Variants in CFAP69 observed in about 807,000 individuals in gnomAD.
The protein encoded by CFAP69 is cilia- and flagella-associated protein 69.
CFAP69 carries 92 observed loss-of-function variants against 123.0 expected under a neutral mutation model. The observed-to-expected ratio is 0.75, with a 90% CI of 0.63 to 0.89. The LOEUF (loss-of-function observed/expected upper bound fraction) is 0.89, where lower values mean the gene tolerates loss of function less well. Among genes scored for constraint, CFAP69 ranks in the 40% least tolerant of loss-of-function variants. CFAP69 has a pLI of 0.00. For synonymous variants in CFAP69, 380 were observed against 364.3 expected (o/e 1.04, Z -0.49); for missense variants, 1,067 against 1,096.9 (o/e 0.97, Z 0.39).
chr7:90,275,590 C>CTTTT lies in CFAP69; in HGVS notation c.985-1457_985-1454dup, dbSNP rs57578763. On this transcript the variant is annotated intron_variant, in intron 9 of 22. Transcript: ENST00000389297. ...TACGGCCTGCTCTCAGGCCAAAAGC[C>CTTTT]TTTTTTTTTTTTTTTTTTTTTTTTT... 4.7e-3 allele frequency among the ~76,000 whole-genome samples: 291 copies of CTTTT among 62,076 alleles called. 49 individuals are homozygous for CTTTT. The highest frequency in any genetic ancestry group is 0.017 in the Middle Eastern group (1 of 58). The allele number at this position is 62,076 out of a possible 152,430, so 40.7% of individuals were successfully genotyped here. A position where few individuals can be genotyped will look rare whatever the true frequency, so the allele number is the denominator to read the frequency against.
chr7:90,265,441 T>C (rs1799022403), intron 5 of CFAP69, 64 bp downstream of exon 5: 2 of 1,102,262 alleles, frequency 1.8e-6, no homozygotes, highest in East Asian at 2.5e-5. Context: ...GACAAGGGAA[T>C]ATCTATTTTC....
Position 90,299,862 on chromosome 7 carries a change from T to C in CFAP69, c.1858-5T>C, listed in dbSNP as rs970246681. ...CTTTTTTCCTTTTCTGTTTCCTTGC[T>C]AAAGTTGAACCAAAAAAAATTCTGT... On this transcript the variant is annotated splice_polypyrimidine_tract_variant and splice_region_variant and intron_variant, in intron 16 of 22. Transcript: ENST00000389297. 1 of 1,591,400 alleles carries C rather than the reference T, an allele frequency of 6.3e-7. No homozygotes were observed. Among genetic ancestry groups the C allele is most frequent in the African/African-American group, 1.4e-5 (1 of 73,704 alleles).
At chr7:90,317,365 A>G in the CFAP69 span, 1 of 152,222 alleles carries the variant, frequency 6.6e-6, no homozygotes, top group South Asian at 2.1e-4. Flanking sequence ...TGGACATAAA[A>G]TCACTCATGT....
chr7:90,310,293 T>C lies in CFAP69; in HGVS notation c.*55T>C, dbSNP rs528193806. On this transcript the variant is annotated 3_prime_UTR_variant, in exon 23 of 23. Coordinates refer to ENST00000389297, the MANE Select transcript of CFAP69 (RefSeq NM_001039706.3). ...CAGCTTATAATTTTTTAGCTGAATA[T>C]ATCTTTATACATATGTAAAGCCAAT... is the stretch of plus-strand genomic sequence containing the variant. 2 of 1,295,260 alleles carry C rather than the reference T, an allele frequency of 1.5e-6. No homozygotes were observed. Among genetic ancestry groups the C allele is most frequent in the Admixed American group, 2.2e-5 (1 of 46,312 alleles). The allele number at this position is 1,295,260 out of a possible 1,614,324, so 80.2% of individuals were successfully genotyped here. A position where few individuals can be genotyped will look rare whatever the true frequency, so the allele number is the denominator to read the frequency against.
At chr7:90,301,663 C>G (rs1340942983) in intron 17 of CFAP69, 1 of 152,172 alleles carries the variant, frequency 6.6e-6, no homozygotes, top group Non-Finnish European at 1.5e-5. Context: ...CATGATCTCA[C>G]TATTTTTATG....
At position 90,304,817 on chromosome 7, in the gene CFAP69, T is replaced by G; in HGVS notation, c.2262T>G (p.Phe754Leu). ...GTATCATACATAGATATCTTGATTT[T>G]AAAGTAAGTATCTTTTTAATAACCT... ...TLCIIHRYLD[F>L]KIGEIWNEIY... The change falls in exon 19 of 23, where the codon TTT (phenylalanine) becomes TTG (leucine). Residue 754 changes from phenylalanine to leucine, a missense_variant. Coordinates refer to ENST00000389297, the MANE Select transcript of CFAP69 (RefSeq NM_001039706.3). 6.9e-7 allele frequency: 1 copy of G among 1,451,246 alleles called. No homozygotes were observed. Among genetic ancestry groups the G allele is most frequent in the South Asian group, 1.2e-5 (1 of 83,770 alleles). 89.9% of individuals were successfully genotyped at this position (1,451,246 alleles called of 1,614,324 possible).
intron 6 of CFAP69, among the ~76,000 whole-genome samples, chr7:90,270,994 C>T (rs894442579): frequency 3.3e-5 from 5 of 151,958 alleles, no homozygotes; most frequent in African/African-American, 4.8e-5. Context: ...TAATTGTTGT[C>T]CCTTGAAAGT....
At chr7:90,268,118 A>T (rs2116864627) in intron 5 of CFAP69, among the ~76,000 whole-genome samples, 168 bp from the exon 6 acceptor site, 1 of 152,296 alleles carries the variant, frequency 6.6e-6, no homozygotes, top group East Asian at 1.9e-4. Flanking sequence ...ATATGTATGT[A>T]TGTGTGTGAG....
chr7:90,298,501 C>A (rs1409894863), intron 16 of CFAP69, among the ~76,000 whole-genome samples: 1 of 152,300 alleles, frequency 6.6e-6, no homozygotes, highest in South Asian at 2.1e-4. Context: ...CGCTCCCTGT[C>A]CGTGATTCTA....
At chr7:90,258,367 G>A (rs1254114460) in intron 3 of CFAP69, among the ~76,000 whole-genome samples, 1 of 152,086 alleles carries the variant, frequency 6.6e-6, no homozygotes, top group East Asian at 1.9e-4. Context: ...ATGTTGACAG[G>A]GCTGGTTTCT....
rs770456112 is a variant in CFAP69, at chr7:90,271,665, C to T, written c.672C>T (p.Leu224=). 1.2e-6 allele frequency: 2 copies of T among 1,613,240 alleles called. No individual in the cohort carries two copies. The highest frequency in any genetic ancestry group is 1.7e-6 in the Non-Finnish European group (2 of 1,179,550). ...GGGTACTTAAAGTTCTGCAGCATCTCTCAACTTCTGGTTTGTATATTATTA... is the reference window on the plus strand; with the variant it reads ...GGGTACTTAAAGTTCTGCAGCATCTTTCAACTTCTGGTTTGTATATTATTA... ...KLWVLKVLQH[L]STSEVNCTIM... is the part of the protein sequence containing the mutation. Residue 224 remains leucine, a synonymous_variant, in exon 7 of 23, where the codon CTC becomes CTT. Coordinates refer to ENST00000389297, the MANE Select transcript of CFAP69 (RefSeq NM_001039706.3).
Position 90,245,442 on chromosome 7 carries a change from CG to C in CFAP69, c.22del (p.Ala8ArgfsTer26). On this transcript the variant is annotated frameshift_variant, in exon 1 of 23. Transcript: ENST00000389297. LOFTEE classifies it high-confidence loss of function. ...CACCGGCCATGTGGACAGAGGAAGC[CG>C]GGGCGACCGCCGAGGCCCAGGAATC... The part of the protein sequence containing the change: MWTEEA[G>X]ATAEAQESGI... The C allele has an allele frequency of 1.3e-6, 2 of 1,557,406 alleles. No homozygotes were observed. Among genetic ancestry groups the C allele is most frequent in the South Asian group, 1.2e-5 (1 of 85,654 alleles).
chr7:90,307,188 C>A, intron 20 of CFAP69, 90 bp downstream of exon 20: 1 of 865,074 alleles, frequency 1.2e-6, no homozygotes, highest in South Asian at 1.5e-5. Flanking sequence ...TTCTGTTGTT[C>A]AATAGCACAG....
chr7:90,290,945 A>G (rs1295449706), intron 15 of CFAP69, among the ~76,000 whole-genome samples: 1 of 152,096 alleles, frequency 6.6e-6, no homozygotes, highest in Non-Finnish European at 1.5e-5. Context: ...TTCAGTCCAC[A>G]TTCCCTATCA....
intron 6 of CFAP69, chr7:90,268,812 C>T (rs1349891175): frequency 6.0e-6 from 1 of 165,292 alleles, no homozygotes; most frequent in Non-Finnish European, 1.3e-5. Flanking sequence ...GCTAAGGGAC[C>T]TTAATATATA....
At chr7:90,292,117 A>G (rs1791293364) in intron 15 of CFAP69, among the ~76,000 whole-genome samples, 1 of 152,190 alleles carries the variant, frequency 6.6e-6, no homozygotes, top group Non-Finnish European at 1.5e-5. Flanking sequence ...ACTTGGCCTG[A>G]TTATTTGTAT....
chr7:90,289,883 T>A (rs939226401), intron 15 of CFAP69, among the ~76,000 whole-genome samples: 1 of 152,212 alleles, frequency 6.6e-6, no homozygotes, highest in Non-Finnish European at 1.5e-5. Context: ...CTTTACCCAC[T>A]GCTTTGCAGT....
In CFAP69 at chr7:90,255,435, C is replaced by G; in HGVS notation, c.133C>G (p.Pro45Ala). The G allele has an allele frequency of 1.9e-6, 3 of 1,612,322 alleles. No individual in the cohort carries two copies. The highest frequency in any genetic ancestry group is 2.5e-6 in the Non-Finnish European group (3 of 1,179,024). Residue 45 changes from proline (P) to alanine (A), a missense_variant, in exon 2 of 23, where the codon CCT becomes GCT. Transcript: ENST00000389297. ...GTATGTTTTTTAGGATGTTTTCAAG[C>G]CTATGGACCTTAATCGTGTCATCAA... ...EDDEAQDVFK[P>A]MDLNRVIKLL...
intron 16 of CFAP69, among the ~76,000 whole-genome samples, chr7:90,298,123 T>C (rs1792266578): frequency 6.6e-6 from 1 of 152,196 alleles, no homozygotes; most frequent in Non-Finnish European, 1.5e-5. Context: ...TAAGAAACAG[T>C]TTGTGAAGAG....
Sources: gnomAD v4.1 joint callset for allele counts (sites outside exome capture counted in the v4.1 genomes callset) on GRCh38, gnomAD v4.1.1 for gene constraint, MANE v1.5 for transcripts, NCBI Gene and HGNC (gene_info 2026-07-23, HGNC 2026-07-21) for gene names.